Variants in ZFHX3 observed in about 807,000 individuals in gnomAD.
ZFHX3 encodes zinc finger homeobox protein 3.
In ZFHX3, 42 loss-of-function variants were observed where a neutral mutation model predicts 279.1. The observed-to-expected ratio is 0.15, with a 90% CI of 0.12 to 0.19. The LOEUF (loss-of-function observed/expected upper bound fraction) is 0.19, where lower values mean the gene tolerates loss of function less well. ZFHX3 is among the 10% of genes least tolerant of loss of function. ZFHX3 has a pLI of 1.00. For missense variants in ZFHX3, 4,981 were observed against 4,754.0 expected (o/e 1.05, Z -1.40); for synonymous variants, 2,293 against 1,957.8 (o/e 1.17, Z -4.52).
intron 2 of ZFHX3, among the ~76,000 whole-genome samples, chr16:73,600,383 T>A (rs1048491272): frequency 2.6e-5 from 4 of 151,786 alleles, no homozygotes; most frequent in South Asian, 2.1e-4. Flanking sequence ...GGCTGCTGTA[T>A]CTTTTAGCTC....
At chr16:73,357,597 C>T (rs902210299) in intron 3 of ZFHX3, among the ~76,000 whole-genome samples, 1 of 152,206 alleles carries the variant, frequency 6.6e-6, no homozygotes, top group Non-Finnish European at 1.5e-5. Context: ...AGGGCTTACC[C>T]TATAGGCCCC....
intron 4 of ZFHX3, 63 bp from the exon 5 acceptor site, chr16:72,829,922 T>G: frequency 2.5e-6 from 4 of 1,583,592 alleles, no homozygotes; most frequent in Non-Finnish European, 3.5e-6. Flanking sequence ...ACTTTTGGCC[T>G]CTGTTGCAAA....
At chr16:73,711,040 T>A (rs999342483) in intron 1 of ZFHX3, among the ~76,000 whole-genome samples, 1 of 152,210 alleles carries the variant, frequency 6.6e-6, no homozygotes, top group Non-Finnish European at 1.5e-5. Context: ...TTAGAGCTAA[T>A]TGTGAAAGGA....
At chr16:73,120,949 G>A (rs368335297) in intron 7 of ZFHX3, among the ~76,000 whole-genome samples, 5 of 151,514 alleles carry the variant, frequency 3.3e-5, no homozygotes, top group South Asian at 2.1e-4. Context: ...CCACTGTGCC[G>A]GGCCCCTATC....
intron 4 of ZFHX3, among the ~76,000 whole-genome samples, chr16:73,267,740 G>A (rs1031907193): frequency 1.3e-5 from 2 of 152,160 alleles, no homozygotes; most frequent in Non-Finnish European, 2.9e-5. Flanking sequence ...CGCTGGGCTA[G>A]ACCAGTTTAT....
intron 1 of ZFHX3, among the ~76,000 whole-genome samples, chr16:73,790,359 C>A (rs1208706839): frequency 6.7e-6 from 1 of 149,730 alleles, no homozygotes; most frequent in Non-Finnish European, 1.5e-5. Flanking sequence ...AACATATATT[C>A]TTGCATCTGC....
rs549362675 is a variant in ZFHX3, at chr16:72,874,746, G to A, written c.3448+14985C>T. On this transcript the variant is annotated intron_variant, in intron 4 of 9. Transcript: ENST00000268489. ...TGGGCTCCCAGTATCCTCCTGCCAC[G>A]GCCTCCCAAAGTGCTGGCATTGCCG... 3.9e-5 allele frequency among the ~76,000 whole-genome samples: 6 copies of A among 151,978 alleles called. No homozygotes were observed. The East Asian group carries it at 5.8e-4, about 15-fold the overall frequency.
chr16:72,812,560 A>G (rs2036490930), intron 5 of ZFHX3, among the ~76,000 whole-genome samples: 1 of 152,242 alleles, frequency 6.6e-6, no homozygotes. Flanking sequence ...TCACATGAGT[A>G]TCAGCACACC....
At position 72,795,743 on chromosome 16, in the gene ZFHX3, A is replaced by G. The variant is rs1251372182; in HGVS notation, c.6939T>C (p.Arg2313=). ...GAATGTATCTATCATTTGTAAGCTC[A>G]CGCCGCTCTCCATCTTTGCCCTCTC... ...NQGEGKDGER[R]ELTNDRYIRT... is the part of the protein sequence containing the mutation. The change falls in exon 9 of 10, where the codon CGT becomes CGC. Residue 2313 remains arginine (R), a synonymous_variant. Coordinates refer to ENST00000268489, the MANE Select transcript of ZFHX3 (RefSeq NM_006885.4). 4.3e-6 allele frequency: 7 copies of G among 1,614,168 alleles called. No homozygotes were observed. The highest frequency in any genetic ancestry group is 5.9e-6 in the Non-Finnish European group (7 of 1,180,044).
chr16:73,755,412 G>A (rs759186196), intron 1 of ZFHX3, among the ~76,000 whole-genome samples: 22 of 152,138 alleles, frequency 1.4e-4, no homozygotes, highest in Non-Finnish European at 2.5e-4. Flanking sequence ...TCTTAATCCA[G>A]TTTTAATTAT....
chr16:73,492,779 C>A (rs1412849106), intron 2 of ZFHX3, among the ~76,000 whole-genome samples: 1 of 152,196 alleles, frequency 6.6e-6, no homozygotes, highest in Admixed American at 6.5e-5. Context: ...TAAACAACTG[C>A]AGTTTGTAAG....
At chr16:73,551,861 T>TA (rs1180379079) in intron 2 of ZFHX3, among the ~76,000 whole-genome samples, 10 of 152,214 alleles carry the variant, frequency 6.6e-5, no homozygotes, top group Admixed American at 6.5e-4. Flanking sequence ...GAAGAGGTGT[T>TA]AGAGTAACTT....
At chr16:73,855,205 A>C (rs947941208) in intron 1 of ZFHX3, among the ~76,000 whole-genome samples, 1 of 151,046 alleles carries the variant, frequency 6.6e-6, no homozygotes, top group Non-Finnish European at 1.5e-5. Flanking sequence ...TTGCATTAAT[A>C]AGGCGTTAGC....
intron 1 of ZFHX3, among the ~76,000 whole-genome samples, chr16:73,716,634 C>A (rs1468398300): frequency 1.4e-5 from 2 of 143,560 alleles, no homozygotes; most frequent in East Asian, 3.9e-4. Context: ...CACACACACA[C>A]ACACACACAC....
intron 3 of ZFHX3, among the ~76,000 whole-genome samples, chr16:73,437,295 G>A (rs1477390032): frequency 6.6e-6 from 1 of 152,136 alleles, no homozygotes; most frequent in Non-Finnish European, 1.5e-5. Context: ...CAAAGGCAAG[G>A]ACAAAATGCT....
At chr16:73,813,513 G>GA (rs915889355) in intron 1 of ZFHX3, among the ~76,000 whole-genome samples, 122 of 151,804 alleles carry the variant, frequency 8.0e-4, no homozygotes, top group African/African-American at 2.8e-3. Flanking sequence ...AAAAAAAAAG[G>GA]AAAAAAAATG....
intron 2 of ZFHX3, among the ~76,000 whole-genome samples, chr16:73,659,411 C>T (rs542102170): frequency 1.3e-5 from 2 of 152,204 alleles, no homozygotes; most frequent in African/African-American, 2.4e-5. Context: ...GTGTCAGGTT[C>T]GATTAGAAGC....
At chr16:72,839,297 G>T (rs1480131399) in intron 4 of ZFHX3, among the ~76,000 whole-genome samples, 1 of 152,052 alleles carries the variant, frequency 6.6e-6, no homozygotes, top group Non-Finnish European at 1.5e-5. Context: ...CGGATTTGCA[G>T]GGGTTTTTCC....
intron 4 of ZFHX3, among the ~76,000 whole-genome samples, chr16:73,310,062 C>G (rs1182040128): frequency 2.0e-5 from 3 of 152,162 alleles, no homozygotes; most frequent in East Asian, 3.9e-4. Flanking sequence ...GTGCCCACCA[C>G]CACGCCTGGC....
Sources: allele counts gnomAD v4.1 joint callset (sites outside exome capture counted in the v4.1 genomes callset), GRCh38; gene constraint gnomAD v4.1.1; transcripts MANE v1.5; gene names NCBI Gene and HGNC (gene_info 2026-07-23, HGNC 2026-07-21).